Variants in FBXO38 observed in about 807,000 individuals in gnomAD.
FBXO38 encodes F-box only protein 38.
FBXO38 carries 53 observed loss-of-function variants against 131.9 expected under a neutral mutation model. The observed-to-expected ratio is 0.40, with a 90% CI of 0.32 to 0.51. The LOEUF is 0.51. FBXO38 is among the 20% of genes least tolerant of loss of function. The pLI is 0.53. For missense variants in FBXO38, 1,076 were observed against 1,475.6 expected (o/e 0.73, Z 4.44); for synonymous variants, 452 against 505.6 (o/e 0.89, Z 1.42).
At chr5:148,392,399 G>A (rs1758240946) in intron 1 of FBXO38, among the ~76,000 whole-genome samples, 2 of 152,098 alleles carry the variant, frequency 1.3e-5, no homozygotes, top group South Asian at 4.1e-4. Context: ...GTATATATCT[G>A]TGTATCTTTG....
chr5:148,391,189 A>G (rs1319257792), intron 1 of FBXO38, among the ~76,000 whole-genome samples: 1 of 152,230 alleles, frequency 6.6e-6, no homozygotes, highest in African/African-American at 2.4e-5. Flanking sequence ...CTGTGGTAGC[A>G]AACGTCTCAT....
intron 18 of FBXO38, 118 bp from the exon 19 acceptor site, chr5:148,439,529 T>C: frequency 9.9e-7 from 1 of 1,009,930 alleles, no homozygotes; most frequent in East Asian, 3.4e-5. Flanking sequence ...TATTTGATTT[T>C]CAAATCAGCC....
intron 2 of FBXO38, among the ~76,000 whole-genome samples, chr5:148,396,794 G>T (rs1051494386): frequency 2.0e-5 from 3 of 152,074 alleles, no homozygotes; most frequent in African/African-American, 7.2e-5. Flanking sequence ...TTTGGTAGAG[G>T]CAGGATCTTG....
intron 15 of FBXO38, chr5:148,430,177 C>G (rs565195522): frequency 7.2e-6 from 1 of 139,296 alleles, no homozygotes; most frequent in African/African-American, 2.7e-5. Flanking sequence ...TTTTTTGAGA[C>G]GAATTCTCGC....
intron 6 of FBXO38, among the ~76,000 whole-genome samples, chr5:148,405,955 A>G (rs1257975646): frequency 6.6e-6 from 1 of 152,228 alleles, no homozygotes; most frequent in East Asian, 1.9e-4. Context: ...TACTTGAGTG[A>G]AGGATCAAAT....
At chr5:148,437,492 A>T (rs552722040) in intron 17 of FBXO38, among the ~76,000 whole-genome samples, 1 of 152,324 alleles carries the variant, frequency 6.6e-6, no homozygotes, top group African/African-American at 2.4e-5. Context: ...CGATGATGAC[A>T]TTTGGGTCAA....
At chr5:148,434,474 T>C (rs1298292481) in intron 17 of FBXO38, 2 of 152,244 alleles carry the variant, frequency 1.3e-5, no homozygotes, top group African/African-American at 4.8e-5. Context: ...TTACTTGCCT[T>C]GGGCAAGTTA....
chr5:148,417,078 G>T lies in FBXO38; in HGVS notation c.1492G>T (p.Asp498Tyr), dbSNP rs748833930. The T allele has an allele frequency of 1.2e-6, 2 of 1,613,258 alleles. No homozygotes were observed. The highest frequency in any genetic ancestry group is 1.7e-6 in the Non-Finnish European group (2 of 1,179,328). Residue 498 changes from aspartate (D) to tyrosine (Y), a missense_variant, in exon 12 of 22, where the codon GAT (aspartate) becomes TAT (tyrosine). Transcript: ENST00000340253. ...TAGCAACCAGAACTCCAACAATGACGATAATAATGCCCAGAATAACAATGC... is the reference window on the plus strand; with the variant it reads ...TAGCAACCAGAACTCCAACAATGACTATAATAATGCCCAGAATAACAATGC... ...LVSNQNSNND[D>Y]NNAQNNNANI... is the part of the protein sequence containing the mutation.
chr5:148,425,485 G>T (rs377109381), intron 13 of FBXO38, 37 bp from the exon 14 acceptor site: 1 of 1,546,160 alleles, frequency 6.5e-7, no homozygotes, highest in Admixed American at 1.8e-5. Context: ...CCTTTCTTGC[G>T]CAAAAAGTAA....
intron 16 of FBXO38, 28 bp from the exon 17 acceptor site, chr5:148,433,607 A>C (rs558853550): frequency 8.3e-6 from 13 of 1,561,148 alleles, no homozygotes; most frequent in Non-Finnish European, 1.1e-5. Context: ...TTGTATCTTT[A>C]TATAGTTTCT....
At chr5:148,409,069 A>C in intron 7 of FBXO38, 55 bp from the exon 8 acceptor site, 3 of 947,180 alleles carry the variant, frequency 3.2e-6, no homozygotes, top group Non-Finnish European at 5.2e-6. Context: ...ATAGTATATA[A>C]ATACTTCACT....
chr5:148,404,927 A>G, intron 6 of FBXO38, 105 bp downstream of exon 6: 1 of 988,498 alleles, frequency 1.0e-6, no homozygotes, highest in Non-Finnish European at 1.4e-6. Context: ...TGCTATTACT[A>G]TTTATGTCTT....
Position 148,404,718 on chromosome 5 carries a change from T to A in FBXO38, c.626T>A (p.Met209Lys), listed in dbSNP as rs745827829. The change falls in exon 6 of 22, where the codon ATG becomes AAG. Residue 209 changes from methionine (M) to lysine (K), a missense_variant. Physicochemically the swap from Met to Lys is moderately conservative, Grantham distance 95. Coordinates refer to ENST00000340253, the MANE Select transcript of FBXO38 (RefSeq NM_205836.3). ...GTTCCTGAAATTCCTTGTATCCCAA[T>A]GCTAAGGCACCTTTATATGAAGTGG... ...VNVPEIPCIP[M>K]LRHLYMKWVR... 1 of 1,596,536 alleles carries A rather than the reference T, an allele frequency of 6.3e-7. No homozygotes were observed. The highest frequency in any genetic ancestry group is 2.3e-5 in the East Asian group (1 of 44,088).
intron 2 of FBXO38, among the ~76,000 whole-genome samples, chr5:148,396,110 G>A (rs530916902): frequency 7.2e-5 from 11 of 151,742 alleles, no homozygotes; most frequent in African/African-American, 1.9e-4. Context: ...CCTGCAGTTC[G>A]TTATTCTGTG....
chr5:148,406,172 A>G (rs1403196015), intron 6 of FBXO38, 85 bp from the exon 7 acceptor site: 1 of 1,300,090 alleles, frequency 7.7e-7, no homozygotes, highest in African/African-American at 1.5e-5. Flanking sequence ...CTTAGAGTTT[A>G]TAAGTTATAC....
At chr5:148,402,258 TC>T in intron 4 of FBXO38, 89 bp from the exon 5 acceptor site, 2 of 1,538,138 alleles carry the variant, frequency 1.3e-6, no homozygotes, top group Non-Finnish European at 1.8e-6. Flanking sequence ...ACTTTTAAGT[TC>T]CATTGTGTAC....
At chr5:148,400,023 G>GA (rs961600694) in intron 3 of FBXO38, among the ~76,000 whole-genome samples, 1 of 152,024 alleles carries the variant, frequency 6.6e-6, no homozygotes, top group Admixed American at 6.6e-5. Flanking sequence ...TGGAATACTG[G>GA]AATTGTGCAG....
chr5:148,414,775 A>G (rs573951158), intron 10 of FBXO38, among the ~76,000 whole-genome samples: 3 of 152,126 alleles, frequency 2.0e-5, no homozygotes, highest in Non-Finnish European at 4.4e-5. Context: ...CTCCCCCTCC[A>G]ATCTCCTATA....
intron 17 of FBXO38, among the ~76,000 whole-genome samples, chr5:148,436,577 T>C (rs1754357707): frequency 7.4e-6 from 1 of 134,584 alleles, no homozygotes; most frequent in African/African-American, 3.0e-5. Flanking sequence ...CAACCTGTAT[T>C]GCCAAAAAAT....
Sources: allele counts gnomAD v4.1 joint callset (sites outside exome capture counted in the v4.1 genomes callset), GRCh38; gene constraint gnomAD v4.1.1; transcripts MANE v1.5; gene names NCBI Gene and HGNC (gene_info 2026-07-23, HGNC 2026-07-21).